The following TUSC3 variants were observed in gnomAD, a reference collection of about 807,000 sequenced individuals.
The protein encoded by TUSC3 is tumor suppressor candidate 3.
Under a neutral mutation model 44.8 loss-of-function variants are expected in TUSC3, and 45 were observed. That is an observed-to-expected ratio of 1.00 (90% CI 0.79 to 1.29). The LOEUF (loss-of-function observed/expected upper bound fraction) is 1.29, where lower values mean the gene tolerates loss of function less well. Ranked by LOEUF, TUSC3 falls within the 50% of genes most tolerant of loss-of-function variation. The pLI, the probability that TUSC3 is intolerant of heterozygous loss-of-function variation, is 0.00. For synonymous variants in TUSC3, 212 were observed against 152.9 expected, an observed-to-expected ratio of 1.39 and a Z score of -2.85; for missense variants, 519 against 437.9, an observed-to-expected ratio of 1.19 and a Z score of -1.65.
At chr8:15,420,932 T>C (rs896447754) in intron 1 of TUSC3, among the ~76,000 whole-genome samples, 2 of 152,156 alleles carry the variant, frequency 1.3e-5, no homozygotes, top group African/African-American at 4.8e-5. Flanking sequence ...AACACACAAT[T>C]CCTTGGTGAT....
intron 2 of TUSC3, among the ~76,000 whole-genome samples, chr8:15,512,954 A>ATATATATG (rs925640338): frequency 2.7e-5 from 3 of 110,314 alleles, no homozygotes; most frequent in Admixed American, 9.3e-5. Context: ...ATATATATAT[A>ATATATATG]TATATGATTC....
At chr8:15,799,396 G>T in the TUSC3 span, among the ~76,000 whole-genome samples, 1 of 152,156 alleles carries the variant, frequency 6.6e-6, no homozygotes, top group Non-Finnish European at 1.5e-5. Flanking sequence ...TGCTGGCCTA[G>T]GATGAATCTT....
intron 1 of TUSC3, among the ~76,000 whole-genome samples, chr8:15,457,869 T>C (rs1259387296): frequency 2.2e-5 from 1 of 46,038 alleles, no homozygotes; most frequent in Non-Finnish European, 5.4e-5. Flanking sequence ...TCTAATAAAT[T>C]AATTAGATAA....
At chr8:15,779,985 G>T in the TUSC3 span, among the ~76,000 whole-genome samples, 1 of 152,130 alleles carries the variant, frequency 6.6e-6, no homozygotes, top group Non-Finnish European at 1.5e-5. Flanking sequence ...GAAGATTCTG[G>T]AAAGTGAAAC....
At chr8:15,768,369 T>A (rs554665072), downstream of TUSC3, among the ~76,000 whole-genome samples, 45 of 152,238 alleles carry the variant, frequency 3.0e-4, no homozygotes, top group African/African-American at 9.4e-4. Context: ...TGCCACATTA[T>A]AATGTTCAGG....
At chr8:15,458,725 T>G (rs140462274) in intron 1 of TUSC3, among the ~76,000 whole-genome samples, 32 of 152,300 alleles carry the variant, frequency 2.1e-4, no homozygotes, top group African/African-American at 7.2e-4. Flanking sequence ...GAACTAATTT[T>G]TCATAGAGTT....
intron 1 of TUSC3, among the ~76,000 whole-genome samples, chr8:15,606,868 C>G (rs962290738): frequency 1.3e-5 from 2 of 151,902 alleles, no homozygotes; most frequent in Non-Finnish European, 2.9e-5. Context: ...TATTGTATCC[C>G]TTGGTACAGT....
intron 2 of TUSC3, among the ~76,000 whole-genome samples, chr8:15,505,238 T>C (rs189377727): frequency 2.2e-4 from 34 of 152,304 alleles, no homozygotes; most frequent in Admixed American, 7.2e-4. Flanking sequence ...ATTTTAGGAA[T>C]GATCCTTCCA....
chr8:15,661,055 T>G (rs557171022), intron 4 of TUSC3, among the ~76,000 whole-genome samples: 3 of 151,956 alleles, frequency 2.0e-5, no homozygotes, highest in Non-Finnish European at 4.4e-5. Flanking sequence ...GTGATTATCA[T>G]TCTCCCTGCT....
At chr8:15,829,217 C>T in the TUSC3 span, among the ~76,000 whole-genome samples, 5 of 152,094 alleles carry the variant, frequency 3.3e-5, no homozygotes, top group African/African-American at 9.6e-5. Flanking sequence ...TAATCATTTG[C>T]TATTAGAAAA....
At chr8:15,475,036 A>G (rs547132106) in intron 1 of TUSC3, among the ~76,000 whole-genome samples, 2 of 152,240 alleles carry the variant, frequency 1.3e-5, no homozygotes, top group Admixed American at 6.5e-5. Flanking sequence ...ACGATGGCCA[A>G]TTGCTATAAT....
intron 1 of TUSC3, among the ~76,000 whole-genome samples, chr8:15,448,134 T>TATTTA (rs1554502649): frequency 2.1e-5 from 3 of 145,056 alleles, no homozygotes; most frequent in Non-Finnish European, 4.5e-5. Flanking sequence ...TTTATTTATT[T>TATTTA]TTTAGATGGA....
At position 15,523,664 on chromosome 8, in the gene TUSC3, A is replaced by ATGTGTGTG. The variant is rs869090876; in HGVS notation, n.189+40219_189+40226dup. On this transcript the variant is annotated intron_variant and non_coding_transcript_variant, in intron 2 of 5. Transcript: ENST00000503191. ...CATATATATATATATATATATATAT[A>ATGTGTGTG]TGTGTGTGTGTGTGTGTGTGTGTGT... 8.5e-4 allele frequency among the ~76,000 whole-genome samples: 36 copies of ATGTGTGTG among 42,506 alleles called. 1 individual carries two copies. The highest frequency in any genetic ancestry group is 3.0e-3 in the African/African-American group (35 of 11,554). The allele number at this position is 42,506 out of a possible 152,430, so 27.9% of individuals were successfully genotyped here.
chr8:15,521,320 A>G (rs555184416), intron 2 of TUSC3, among the ~76,000 whole-genome samples: 3 of 152,138 alleles, frequency 2.0e-5, no homozygotes, highest in Admixed American at 6.5e-5. Flanking sequence ...TGCAGTGACA[A>G]TATACCCTTA....
the TUSC3 span, among the ~76,000 whole-genome samples, chr8:15,792,715 A>G: frequency 6.6e-6 from 1 of 152,036 alleles, no homozygotes; most frequent in South Asian, 2.1e-4. Context: ...TCCTGGGTTC[A>G]AGTGATTATG....
intron 2 of TUSC3, among the ~76,000 whole-genome samples, chr8:15,534,529 G>A (rs958791677): frequency 1.3e-5 from 2 of 151,776 alleles, no homozygotes; most frequent in African/African-American, 2.4e-5. Flanking sequence ...TGTAGTCCCA[G>A]CTACTCGGGA....
At chr8:15,776,481 A>G in the TUSC3 span, among the ~76,000 whole-genome samples, 4 of 152,096 alleles carry the variant, frequency 2.6e-5, no homozygotes, top group Non-Finnish European at 5.9e-5. Context: ...GTTCAGCCCT[A>G]TGTCAGCCTG....
intron 1 of TUSC3, among the ~76,000 whole-genome samples, chr8:15,612,191 C>T (rs905047961): frequency 5.9e-5 from 9 of 152,086 alleles, no homozygotes; most frequent in Non-Finnish European, 1.0e-4. Context: ...ATTCAGATAG[C>T]AGGTACCTGA....
At position 15,627,119 on chromosome 8, in the gene TUSC3, G is replaced by C. The variant is rs374448060; in HGVS notation, c.308+3870G>C. Among the ~76,000 whole-genome samples the C allele has an allele frequency of 1.8e-4, 27 of 152,346 alleles. No individual in the cohort carries two copies. The East Asian group carries it at 4.6e-3, about 26-fold the overall frequency. On this transcript the variant is annotated intron_variant, in intron 2 of 10. Transcript: ENST00000503731. ...CTCAGCCAGACTTGAGAAGAGGATG[G>C]AGAGATGATGAGACAAAGAGATGGC...
Sources: allele counts gnomAD v4.1 joint callset (sites outside exome capture counted in the v4.1 genomes callset), GRCh38; gene constraint gnomAD v4.1.1; transcripts MANE v1.5; gene names NCBI Gene and HGNC (gene_info 2026-07-23, HGNC 2026-07-21).